PPP4R2: variants seen among roughly 807,000 people sequenced by gnomAD.
PPP4R2 encodes the protein serine/threonine-protein phosphatase 4 regulatory subunit 2.
In PPP4R2, 13 loss-of-function variants were observed where a neutral mutation model predicts 47.2. The ratio of observed to expected loss-of-function variants is 0.28; its 90% CI spans 0.18 to 0.44. The LOEUF (loss-of-function observed/expected upper bound fraction) is 0.44, where lower values mean the gene tolerates loss of function less well. Ranked by LOEUF, PPP4R2 falls within the 20% of genes least tolerant of loss-of-function variation. PPP4R2 has a pLI of 1.00. For synonymous variants in PPP4R2, 151 were observed against 163.3 expected, an observed-to-expected ratio of 0.92 and a Z score of 0.57; for missense variants, 421 against 491.2, an observed-to-expected ratio of 0.86 and a Z score of 1.35.
rs534874509 is a variant in PPP4R2, at chr3:73,064,988, A to T, written c.775A>T (p.Thr259Ser). 10 of 1,613,900 alleles carry T rather than the reference A, an allele frequency of 6.2e-6. No individual in the cohort carries two copies. Among genetic ancestry groups the T allele is most frequent in the Non-Finnish European group, 7.6e-6 (9 of 1,179,828 alleles). Residue 259 changes from threonine to serine, a missense_variant, in exon 8 of 9, where the codon ACA becomes TCA. Physicochemically the swap from Thr to Ser is moderately conservative, Grantham distance 58. Coordinates refer to ENST00000356692, the MANE Select transcript of PPP4R2 (RefSeq NM_174907.4). ...TGACAAAGAAGGTGAAGTCAGAGAA[A>T]CAGCCAGTCAAACGACTTCCAGCGA... Reference protein sequence around the residue: ...RFDKEGEVRETASQTTSSEIS... With the variant: ...RFDKEGEVRESASQTTSSEIS...
At chr3:73,029,552 T>C (rs1165786450) in intron 2 of PPP4R2, among the ~76,000 whole-genome samples, 1 of 142,506 alleles carries the variant, frequency 7.0e-6, no homozygotes, top group African/African-American at 2.7e-5. Context: ...AAGTGTGGAA[T>C]TTCATCACAT....
At chr3:72,997,105 A>C in intron 1 of PPP4R2, 34 bp downstream of exon 1, 1 of 1,331,826 alleles carries the variant, frequency 7.5e-7, no homozygotes, top group Non-Finnish European at 9.7e-7. Flanking sequence ...ATTCCCCCTC[A>C]CCTTCTCCGG....
intron 2 of PPP4R2, among the ~76,000 whole-genome samples, chr3:73,022,446 A>G (rs1701979465): frequency 6.6e-6 from 1 of 152,198 alleles, no homozygotes; most frequent in Non-Finnish European, 1.5e-5. Flanking sequence ...GGTGAAAGTT[A>G]CAGTGTCAAG....
chr3:73,049,504 AAAAG>A (rs1007761101), intron 3 of PPP4R2, among the ~76,000 whole-genome samples: 3 of 152,128 alleles, frequency 2.0e-5, no homozygotes, highest in African/African-American at 4.8e-5. Flanking sequence ...ATCTCAAAAA[AAAAG>A]AGAATACTTC....
chr3:73,062,367 A>C, intron 5 of PPP4R2: 1 of 1,606,286 alleles, frequency 6.2e-7, no homozygotes. Flanking sequence ...ACCCCAACCC[A>C]GCATTGGGGA....
intron 3 of PPP4R2, among the ~76,000 whole-genome samples, chr3:73,049,117 A>T (rs1378152315): frequency 6.6e-6 from 1 of 152,226 alleles, no homozygotes; most frequent in Admixed American, 6.5e-5. Context: ...TTTTAAAGGC[A>T]CTTATCCAAG....
intron 5 of PPP4R2, chr3:73,062,748 T>C: frequency 6.2e-7 from 1 of 1,613,968 alleles, no homozygotes; most frequent in Non-Finnish European, 8.5e-7. Flanking sequence ...TGGAAGACTT[T>C]CACATGGTGA....
chr3:73,064,171 CAG>C (rs753708325), intron 7 of PPP4R2, 25 bp downstream of exon 7: 51 of 1,577,452 alleles, frequency 3.2e-5, no homozygotes, highest in East Asian at 2.9e-4. Flanking sequence ...TATTTAAAAA[CAG>C]TGTTTTTATT....
chr3:73,058,859 A>G (rs1037894485), intron 3 of PPP4R2, among the ~76,000 whole-genome samples, 178 bp from the exon 4 acceptor site: 1 of 134,724 alleles, frequency 7.4e-6, no homozygotes. Context: ...ATAGAAAGGT[A>G]TGCTTATTTT....
chr3:73,055,584 T>A (rs961767569), intron 3 of PPP4R2, among the ~76,000 whole-genome samples: 27 of 152,048 alleles, frequency 1.8e-4, no homozygotes, highest in Admixed American at 4.6e-4. Flanking sequence ...CATGTCCTTT[T>A]TTCAGTTCCT....
chr3:73,010,704 G>A (rs182487657), intron 2 of PPP4R2, among the ~76,000 whole-genome samples: 3 of 152,036 alleles, frequency 2.0e-5, no homozygotes, highest in East Asian at 1.9e-4. Flanking sequence ...GATTACAGGC[G>A]CCCATCACCG....
chr3:72,998,574 T>G (rs933114195), intron 2 of PPP4R2, among the ~76,000 whole-genome samples: 1 of 152,222 alleles, frequency 6.6e-6, no homozygotes, highest in Non-Finnish European at 1.5e-5. Context: ...AGCCTTTTTT[T>G]GGTCATATTT....
At chr3:73,063,051 A>G (rs1702904224) in intron 5 of PPP4R2, 2 of 771,756 alleles carry the variant, frequency 2.6e-6, no homozygotes, top group Non-Finnish European at 4.2e-6. Context: ...CATTGGGGAA[A>G]TATTTTGAGT....
At chr3:73,049,006 T>C (rs957681660) in intron 3 of PPP4R2, among the ~76,000 whole-genome samples, 1 of 152,196 alleles carries the variant, frequency 6.6e-6, no homozygotes, top group African/African-American at 2.4e-5. Context: ...AGGAGACCTA[T>C]TTTCACTGTG....
At chr3:73,060,658 G>A (rs1320720926) in intron 4 of PPP4R2, among the ~76,000 whole-genome samples, 2 of 152,152 alleles carry the variant, frequency 1.3e-5, no homozygotes, top group Non-Finnish European at 2.9e-5. Context: ...TGCTTTGTAA[G>A]GAAAATCAAT....
In PPP4R2 at chr3:73,032,498, A is replaced by G. The variant is rs149522868; in HGVS notation, c.117-14688A>G. On this transcript the variant is annotated intron_variant, in intron 2 of 8. Transcript: ENST00000356692. ...GAGGCGGGGTTTTACCATGTTGGCC[A>G]GGATGGTCTTGATTTCCTGACCTTG... Among the ~76,000 whole-genome samples the G allele has an allele frequency of 4.3e-3, 662 of 152,226 alleles. 6 individuals are homozygous for G. The highest frequency in any genetic ancestry group is 0.014 in the African/African-American group (597 of 41,550).
chr3:73,036,053 A>G (rs1702255497), intron 2 of PPP4R2, among the ~76,000 whole-genome samples: 1 of 152,262 alleles, frequency 6.6e-6, no homozygotes, highest in Admixed American at 6.5e-5. Flanking sequence ...ATACAGTCCA[A>G]TTCAGATATA....
At chr3:73,002,110 G>C (rs183044320) in intron 2 of PPP4R2, among the ~76,000 whole-genome samples, 1 of 152,234 alleles carries the variant, frequency 6.6e-6, no homozygotes, top group Admixed American at 6.5e-5. Flanking sequence ...TTGTCTTTCT[G>C]TGCTTGACTT....
At chr3:73,013,790 C>T (rs1276872391) in intron 2 of PPP4R2, among the ~76,000 whole-genome samples, 2 of 152,140 alleles carry the variant, frequency 1.3e-5, no homozygotes. Flanking sequence ...GGGCACGTGC[C>T]ACCGTGCCCA....
Sources: allele counts gnomAD v4.1 joint callset (sites outside exome capture counted in the v4.1 genomes callset), GRCh38; gene constraint gnomAD v4.1.1; transcripts MANE v1.5; gene names NCBI Gene and HGNC (gene_info 2026-07-23, HGNC 2026-07-21).